PARD3: variants seen among roughly 807,000 people sequenced by gnomAD.
The protein encoded by PARD3 is par-3 family cell polarity regulator.
In PARD3, 75 loss-of-function variants were observed where a neutral mutation model predicts 155.4. The ratio of observed to expected loss-of-function variants is 0.48; its 90% CI spans 0.40 to 0.58. The LOEUF is 0.58. Among genes scored for constraint, PARD3 ranks in the 20% least tolerant of loss-of-function variants. The probability of loss-of-function intolerance (pLI) is 0.00; values close to 1 mark genes in which losing one functional copy is unlikely to be tolerated. For missense variants in PARD3, 1,642 were observed against 1,721.7 expected, an observed-to-expected ratio of 0.95 and a Z score of 0.82; for synonymous variants, 576 against 610.5, an observed-to-expected ratio of 0.94 and a Z score of 0.83.
chr10:34,806,338 G>C (rs1450217966), intron 1 of PARD3, among the ~76,000 whole-genome samples: 1 of 151,722 alleles, frequency 6.6e-6, no homozygotes, highest in African/African-American at 2.4e-5. Context: ...TGTGATTATA[G>C]GTGTGCACCA....
chr10:34,114,424 A>G (rs1041317110), intron 24 of PARD3, among the ~76,000 whole-genome samples: 2 of 152,098 alleles, frequency 1.3e-5, no homozygotes, highest in African/African-American at 4.8e-5. Context: ...GCTCACTGCA[A>G]CTTCTACTTC....
chr10:34,324,230 T>A (rs1958545951), intron 19 of PARD3, among the ~76,000 whole-genome samples: 1 of 152,198 alleles, frequency 6.6e-6, no homozygotes, highest in South Asian at 2.1e-4. Context: ...GTGTGAGGAA[T>A]CAGAATGCCT....
At chr10:34,504,926 G>T (rs1344554941) in intron 3 of PARD3, among the ~76,000 whole-genome samples, 1 of 152,190 alleles carries the variant, frequency 6.6e-6, no homozygotes, top group Non-Finnish European at 1.5e-5. Context: ...GGAAAGAATT[G>T]TATCTGCCAG....
chr10:34,214,975 C>A (rs1208804892), intron 22 of PARD3, among the ~76,000 whole-genome samples: 2 of 152,120 alleles, frequency 1.3e-5, no homozygotes, highest in Non-Finnish European at 2.9e-5. Context: ...GTTGTCAGAT[C>A]AACAGTAATT....
intron 2 of PARD3, among the ~76,000 whole-genome samples, chr10:34,533,546 C>T (rs554286513): frequency 1.8e-4 from 27 of 151,988 alleles, no homozygotes; most frequent in Middle Eastern, 6.8e-3. Context: ...GTGGCTCACA[C>T]CTATAATCCC....
At chr10:34,274,584 C>A (rs1955786153) in intron 21 of PARD3, among the ~76,000 whole-genome samples, 1 of 152,016 alleles carries the variant, frequency 6.6e-6, no homozygotes, top group Admixed American at 6.6e-5. Flanking sequence ...AGGTAATATC[C>A]AGGGTAACTA....
At position 34,745,874 on chromosome 10, in the gene PARD3, G is replaced by A. The variant is rs191808220; in HGVS notation, c.121-49455C>T. Among the ~76,000 whole-genome samples the A allele has an allele frequency of 3.1e-3, 474 of 152,292 alleles. 4 individuals carry two copies. The highest frequency in any genetic ancestry group is 0.011 in the African/African-American group (443 of 41,558). On this transcript the variant is annotated intron_variant, in intron 1 of 24. Coordinates refer to ENST00000374788, the MANE Select transcript of PARD3 (RefSeq NM_001184785.2). ...CCAGCACTTTGGGAGGTCAAGGCACGCAGATCACGAGGTCAGGAGATCGAG... is the reference window on the plus strand; with the variant it reads ...CCAGCACTTTGGGAGGTCAAGGCACACAGATCACGAGGTCAGGAGATCGAG...
chr10:34,487,620 G>C (rs1364931332), intron 3 of PARD3, among the ~76,000 whole-genome samples: 1 of 151,042 alleles, frequency 6.6e-6, no homozygotes, highest in Admixed American at 6.6e-5. Context: ...TCCCTGGCTA[G>C]AAATCCCATC....
At chr10:34,373,464 T>C (rs1281835899) in intron 11 of PARD3, among the ~76,000 whole-genome samples, 2 of 151,798 alleles carry the variant, frequency 1.3e-5, no homozygotes, top group African/African-American at 2.4e-5. Context: ...TAATGCTAAC[T>C]AGTGCACTCC....
At chr10:34,376,036 T>C (rs1841198791) in intron 10 of PARD3, among the ~76,000 whole-genome samples, 1 of 152,048 alleles carries the variant, frequency 6.6e-6, no homozygotes, top group Non-Finnish European at 1.5e-5. Context: ...TAAACATAAT[T>C]TGTACTCAAA....
chr10:34,382,784 G>A lies in PARD3; in HGVS notation c.1155C>T (p.Asp385=). ...CACTCCTGTTGTCAATATACTGGCT[G>A]TCAGGGCTAAAACGGCTTGAATAGT... ...NNYYSSRFSP[D]SQYIDNRSVN... Residue 385 remains aspartate (D), a synonymous_variant, in exon 9 of 25, where the codon GAC becomes GAT. Transcript: ENST00000374788. 2 of 1,614,188 alleles carry A rather than the reference G, an allele frequency of 1.2e-6. No individual in the cohort carries two copies. Among genetic ancestry groups the A allele is most frequent in the East Asian group, 2.2e-5 (1 of 44,888 alleles).
rs1227389154 is a variant in PARD3 at position 34,172,746 on chromosome 10, CAACAAAAAAAAA to C, written c.3420-41175_3420-41164del. Reference sequence around the variant, plus strand: ...ACAAACAAAAACAAAAACAAAAAAACAACAAAAAAAAAAACAAAAAAAAAACCCACCCAAGCA... The same window carrying C: ...ACAAACAAAAACAAAAACAAAAAAACAACAAAAAAAAAACCCACCCAAGCA... On this transcript the variant is annotated intron_variant, in intron 22 of 24. Transcript: ENST00000374788. Among the ~76,000 whole-genome samples the C allele has an allele frequency of 4.6e-5, 6 of 130,110 alleles. No homozygotes were observed. In the South Asian group the frequency reaches 1.2e-3, roughly 27 times the overall value. The allele number at this position is 130,110 out of a possible 152,430, so 85.4% of individuals were successfully genotyped here. A position where few individuals can be genotyped will look rare whatever the true frequency, so the allele number is the denominator to read the frequency against.
chr10:34,195,932 C>T (rs1053996711), intron 22 of PARD3, among the ~76,000 whole-genome samples: 3 of 152,160 alleles, frequency 2.0e-5, no homozygotes, highest in African/African-American at 7.2e-5. Context: ...CACAGAGTTG[C>T]TGTGAAAGTG....
At chr10:34,593,324 G>C (rs1412144920) in intron 2 of PARD3, among the ~76,000 whole-genome samples, 1 of 152,022 alleles carries the variant, frequency 6.6e-6, no homozygotes, top group Non-Finnish European at 1.5e-5. Flanking sequence ...TACATTTAAA[G>C]GATTTTTAAA....
At position 34,119,700 on chromosome 10, in the gene PARD3, A is replaced by T; in HGVS notation, c.3581T>A (p.Val1194Glu). 6.2e-7 allele frequency: 1 copy of T among 1,613,046 alleles called. No individual in the cohort carries two copies. Among genetic ancestry groups the T allele is most frequent in the Non-Finnish European group, 8.5e-7 (1 of 1,179,646 alleles). The change falls in exon 24 of 25, where the codon GTG (valine) becomes GAG (glutamate). Residue 1194 changes from valine to glutamate, a missense_variant. This residue lies in a region of PARD3 where 1,529 missense variants were observed against 1,587.3 expected (regional missense o/e 0.96). Transcript: ENST00000374788. The part of the protein sequence containing the change: ...RPATQSGRHS[V>E]SVEVQMQRQR... ...CCGCTGCATCTGCACCTCCACGGACACCGAGTGTCGCCCGCTCTGCGTCGC... is the reference window on the plus strand; with the variant it reads ...CCGCTGCATCTGCACCTCCACGGACTCCGAGTGTCGCCCGCTCTGCGTCGC...
intron 19 of PARD3, among the ~76,000 whole-genome samples, chr10:34,318,049 A>G (rs552394187): frequency 6.6e-6 from 1 of 152,234 alleles, no homozygotes; most frequent in South Asian, 2.1e-4. Context: ...GAGTAAATCA[A>G]TAAGTGCACT....
chr10:34,205,314 C>T (rs1048458332), intron 22 of PARD3, among the ~76,000 whole-genome samples: 1 of 152,108 alleles, frequency 6.6e-6, no homozygotes, highest in Non-Finnish European at 1.5e-5. Flanking sequence ...GTTATGCTGA[C>T]ATCTGAACTC....
intron 2 of PARD3, among the ~76,000 whole-genome samples, chr10:34,684,397 A>C (rs905486376): frequency 6.6e-6 from 1 of 152,180 alleles, no homozygotes; most frequent in Non-Finnish European, 1.5e-5. Context: ...AGATTTATCT[A>C]CGGTTAGTCC....
intron 22 of PARD3, among the ~76,000 whole-genome samples, chr10:34,236,177 G>A (rs74131652): frequency 6.6e-6 from 1 of 152,116 alleles, no homozygotes; most frequent in African/African-American, 2.4e-5. Context: ...TGGGGAGAGA[G>A]AGCACTTACT....
Sources: allele counts gnomAD v4.1 joint callset (sites outside exome capture counted in the v4.1 genomes callset), GRCh38; gene constraint gnomAD v4.1.1; regional missense constraint gnomAD v4.1.1; transcripts MANE v1.5; gene names NCBI Gene and HGNC (gene_info 2026-07-23, HGNC 2026-07-21).